PGCKA1: variants seen among roughly 807,000 people sequenced by gnomAD.
PGCKA1 encodes the protein PDCD10 and GCKIII kinases associated 1.
chr4:37,526,762 A>T, the PGCKA1 span, among the ~76,000 whole-genome samples: 21,035 of 152,274 alleles, frequency 0.14, 1,538 homozygotes, highest in East Asian at 0.26. Context: ...ACAATCATGT[A>T]TAGTACATAC....
At chr4:37,486,030 G>C in the PGCKA1 span, among the ~76,000 whole-genome samples, 1 of 152,276 alleles carries the variant, frequency 6.6e-6, no homozygotes, top group African/African-American at 2.4e-5. Context: ...AAGTTAATTT[G>C]AGACGGATAT....
At chr4:37,466,233 C>T in the PGCKA1 span, among the ~76,000 whole-genome samples, 1 of 152,026 alleles carries the variant, frequency 6.6e-6, no homozygotes, top group Admixed American at 6.6e-5. Flanking sequence ...GATTATATTT[C>T]GTTTCTGAAA....
At chr4:37,563,330 T>C in the PGCKA1 span, among the ~76,000 whole-genome samples, 19 of 152,306 alleles carry the variant, frequency 1.2e-4, no homozygotes, top group East Asian at 2.9e-3. Context: ...GGGAGAGCTC[T>C]TTCCAGCTTG....
chr4:37,584,111 A>G, the PGCKA1 span: 5 of 152,238 alleles, frequency 3.3e-5, no homozygotes, highest in Non-Finnish European at 7.3e-5. Flanking sequence ...TGGGAGTGAC[A>G]TATGAAAAAA....
chr4:37,563,123 C>T, the PGCKA1 span, among the ~76,000 whole-genome samples: 74,776 of 151,972 alleles, frequency 0.49, 18,958 homozygotes, highest in East Asian at 0.67. Flanking sequence ...GTCTTGAGTC[C>T]GGAAAAACAT....
the PGCKA1 span, among the ~76,000 whole-genome samples, chr4:37,546,800 ACCG>A: frequency 6.6e-6 from 1 of 152,190 alleles, no homozygotes; most frequent in Admixed American, 6.5e-5. Context: ...CGATCCAAAG[ACCG>A]CTCCCAGGTA....
At chr4:37,481,214 G>T in the PGCKA1 span, among the ~76,000 whole-genome samples, 1 of 151,996 alleles carries the variant, frequency 6.6e-6, no homozygotes, top group Non-Finnish European at 1.5e-5. Context: ...TTGAAACCCT[G>T]TGTTAGTCGG....
chr4:37,559,648 A>T, the PGCKA1 span, among the ~76,000 whole-genome samples: 1 of 152,266 alleles, frequency 6.6e-6, no homozygotes, highest in Admixed American at 6.5e-5. Context: ...TCCCAGACCC[A>T]CTAAATCAGA....
chr4:37,482,487 T>C, the PGCKA1 span, among the ~76,000 whole-genome samples: 1 of 152,148 alleles, frequency 6.6e-6, no homozygotes, highest in Admixed American at 6.5e-5. Flanking sequence ...ATTTAGAGTA[T>C]CTGGCAGAAG....
At chr4:37,542,170 A>G in the PGCKA1 span, among the ~76,000 whole-genome samples, 1 of 152,132 alleles carries the variant, frequency 6.6e-6, no homozygotes, top group Non-Finnish European at 1.5e-5. Flanking sequence ...ATTCAGGTGC[A>G]TCTGTCATTC....
At chr4:37,490,048 AAG>A in the PGCKA1 span, among the ~76,000 whole-genome samples, 30 of 152,292 alleles carry the variant, frequency 2.0e-4, no homozygotes, top group Middle Eastern at 3.4e-3. Flanking sequence ...GATAGAAAAA[AAG>A]AGTGTCATGA....
the PGCKA1 span, among the ~76,000 whole-genome samples, chr4:37,470,183 G>T: frequency 6.6e-6 from 1 of 152,110 alleles, no homozygotes; most frequent in Non-Finnish European, 1.5e-5. Context: ...CAACAGATTA[G>T]TACTTTCTAG....
the PGCKA1 span, among the ~76,000 whole-genome samples, chr4:37,494,873 T>C: frequency 6.6e-6 from 1 of 152,114 alleles, no homozygotes; most frequent in African/African-American, 2.4e-5. Flanking sequence ...TCTTTAATGA[T>C]CAGTAATATT....
the PGCKA1 span, among the ~76,000 whole-genome samples, chr4:37,581,995 G>A: frequency 8.5e-5 from 13 of 152,206 alleles, no homozygotes; most frequent in East Asian, 1.2e-3. The surrounding 1 kb of genome is among the most constrained non-coding windows in gnomAD (Gnocchi z 4.4). Flanking sequence ...CTGGGGGGTC[G>A]TGGCTTAGCT....
At chr4:37,562,662 T>C in the PGCKA1 span, among the ~76,000 whole-genome samples, 16 of 152,218 alleles carry the variant, frequency 1.1e-4, no homozygotes, top group Admixed American at 9.2e-4. Context: ...CCTTTTCTAA[T>C]CTTCCTACGG....
chr4:37,530,836 C>T, the PGCKA1 span, among the ~76,000 whole-genome samples: 8 of 151,832 alleles, frequency 5.3e-5, no homozygotes, highest in Admixed American at 6.6e-5. Flanking sequence ...AAAAATTAGC[C>T]GGGTGTGGTG....
At chr4:37,496,275 C>A in the PGCKA1 span, among the ~76,000 whole-genome samples, 1 of 152,128 alleles carries the variant, frequency 6.6e-6, no homozygotes, top group Non-Finnish European at 1.5e-5. Flanking sequence ...TCTTCAATCC[C>A]ATTTGAGTTG....
the PGCKA1 span, among the ~76,000 whole-genome samples, chr4:37,576,100 ATTTTAGAATTGT>A: frequency 6.6e-6 from 1 of 152,056 alleles, no homozygotes; most frequent in Non-Finnish European, 1.5e-5. Flanking sequence ...TTCCACATAC[ATTTTAGAATTGT>A]TTTTTCTATT....
At chr4:37,462,050 TTTG>T in the PGCKA1 span, among the ~76,000 whole-genome samples, 1 of 152,012 alleles carries the variant, frequency 6.6e-6, no homozygotes, top group East Asian at 1.9e-4. Context: ...TGATTGTGGT[TTTG>T]TTGTTTGTTT....
Sources: gnomAD v4.1 joint callset for allele counts (sites outside exome capture counted in the v4.1 genomes callset) on GRCh38, gnomAD v4.1.1 for gene constraint, Gnocchi (gnomAD v3.1) non-coding constraint, MANE v1.5 for transcripts, NCBI Gene and HGNC (gene_info 2026-07-23, HGNC 2026-07-21) for gene names.